The following LDLRAD4 variants were observed in gnomAD, a reference collection of about 807,000 sequenced individuals.
The protein encoded by LDLRAD4 is low density lipoprotein receptor class A domain containing 4, also known as low-density lipoprotein receptor class A domain-containing protein 4.
LDLRAD4 carries 5 observed loss-of-function variants against 17.0 expected under a neutral mutation model. The observed-to-expected ratio is 0.29, with a 90% CI of 0.15 to 0.62. LDLRAD4 has a LOEUF of 0.62. LDLRAD4 is among the 20% of genes least tolerant of loss of function. The probability of loss-of-function intolerance (pLI) is 0.84; values close to 1 mark genes in which losing one functional copy is unlikely to be tolerated. For missense variants in LDLRAD4, 340 were observed against 424.7 expected (o/e 0.80, Z 1.75); for synonymous variants, 168 against 171.8 (o/e 0.98, Z 0.17).
At chr18:13,303,757 G>C (rs925137062) in intron 1 of LDLRAD4, among the ~76,000 whole-genome samples, 2 of 152,158 alleles carry the variant, frequency 1.3e-5, no homozygotes, top group African/African-American at 4.8e-5. Flanking sequence ...CCCCAAAATA[G>C]AACAGAACCC....
intron 1 of LDLRAD4, among the ~76,000 whole-genome samples, chr18:13,370,715 T>TTTTTTTTTTTTTTTTTTTTTTTTTTTTG (rs1555663261): frequency 5.0e-5 from 6 of 120,994 alleles, no homozygotes; most frequent in South Asian, 2.6e-4. Context: ...TTTGTTTTGT[T>TTTTTTTTTTTTTTTTTTTTTTTTTTTTG]TTTTTTTTTT....
At chr18:13,406,861 G>A (rs537202357) in intron 2 of LDLRAD4, among the ~76,000 whole-genome samples, 39 of 152,322 alleles carry the variant, frequency 2.6e-4, no homozygotes, top group African/African-American at 7.9e-4. Context: ...AAATGCAACT[G>A]TCAGGGTGCT....
intron 3 of LDLRAD4, among the ~76,000 whole-genome samples, chr18:13,587,819 A>G (rs1157359075): frequency 6.6e-6 from 1 of 152,128 alleles, no homozygotes; most frequent in Admixed American, 6.5e-5. Flanking sequence ...TTATTTCCTT[A>G]GCTTTAGAAT....
intron 3 of LDLRAD4, among the ~76,000 whole-genome samples, chr18:13,582,170 G>A (rs1466271109): frequency 6.6e-6 from 1 of 151,952 alleles, no homozygotes; most frequent in Non-Finnish European, 1.5e-5. Flanking sequence ...AAAAATGAGG[G>A]AAAAAACAAA....
At chr18:13,353,349 G>T (rs1489277867) in intron 1 of LDLRAD4, among the ~76,000 whole-genome samples, 1 of 152,194 alleles carries the variant, frequency 6.6e-6, no homozygotes, top group Non-Finnish European at 1.5e-5. Context: ...GGCCTTGCTA[G>T]GCCCTTTTCT....
intron 3 of LDLRAD4, chr18:13,501,235 G>A (rs1237980253): frequency 1.3e-5 from 2 of 151,158 alleles, no homozygotes; most frequent in African/African-American, 4.8e-5. Flanking sequence ...CAGTGGCTGA[G>A]TATTAATATT....
chr18:13,413,002 G>A (rs909707995), intron 2 of LDLRAD4, among the ~76,000 whole-genome samples: 1 of 152,176 alleles, frequency 6.6e-6, no homozygotes, highest in African/African-American at 2.4e-5. Flanking sequence ...GACCTGACAG[G>A]ATCACAGCAA....
chr18:13,339,804 C>T (rs2082279735), intron 1 of LDLRAD4, among the ~76,000 whole-genome samples: 1 of 152,126 alleles, frequency 6.6e-6, no homozygotes, highest in Admixed American at 6.5e-5. Context: ...TTAAAATTGA[C>T]AGTTTTAATA....
chr18:13,319,196 A>T (rs2081089120), intron 1 of LDLRAD4, among the ~76,000 whole-genome samples: 1 of 152,174 alleles, frequency 6.6e-6, no homozygotes, highest in Admixed American at 6.5e-5. Context: ...CCTTTTGCTC[A>T]TGTGGACTTT....
At chr18:13,241,677 G>A (rs2042657438) in intron 1 of LDLRAD4, 1 of 152,326 alleles carries the variant, frequency 6.6e-6, no homozygotes, top group African/African-American at 2.4e-5. Flanking sequence ...GCAATGTAGG[G>A]GTGACTGTCC....
chr18:13,623,089 C>T (rs1399432168), intron 4 of LDLRAD4, among the ~76,000 whole-genome samples: 1 of 152,196 alleles, frequency 6.6e-6, no homozygotes, highest in Non-Finnish European at 1.5e-5. Context: ...TCCTGAACAC[C>T]AGCACACTGG....
At chr18:13,249,109 C>T (rs1024728254) in intron 1 of LDLRAD4, among the ~76,000 whole-genome samples, 2 of 152,224 alleles carry the variant, frequency 1.3e-5, no homozygotes, top group African/African-American at 4.8e-5. Flanking sequence ...ATTGGTACGC[C>T]ATGGTGTATA....
intron 3 of LDLRAD4, chr18:13,515,241 T>C (rs1459725029): frequency 6.6e-6 from 1 of 152,236 alleles, no homozygotes; most frequent in Non-Finnish European, 1.5e-5. Context: ...GTTATTACAT[T>C]GGTTTTAAAG....
intron 4 of LDLRAD4, among the ~76,000 whole-genome samples, chr18:13,639,212 G>A (rs367700155): frequency 3.9e-5 from 6 of 152,162 alleles, no homozygotes; most frequent in African/African-American, 9.7e-5. Context: ...ATGAGTATGC[G>A]GGAATGCTGC....
rs568243558 is a variant in LDLRAD4, at chr18:13,454,072, T to C, written c.181+15688T>C. Among the ~76,000 whole-genome samples, 240 of 152,332 alleles carry C rather than the reference T, an allele frequency of 1.6e-3. 1 individual carries two copies. The highest frequency in any genetic ancestry group is 5.7e-3 in the African/African-American group (235 of 41,564). The stretch of plus-strand genomic sequence containing the variant: ...GTGGTTTTGTTTATTGCCGGGGTGT[T>C]CTCCAAAAGGGGCATCCTGCCTCCT... On this transcript the variant is annotated intron_variant, in intron 3 of 5. Coordinates refer to ENST00000359446, the Ensembl canonical transcript of LDLRAD4.
intron 1 of LDLRAD4, among the ~76,000 whole-genome samples, chr18:13,251,072 A>G (rs967847051): frequency 6.6e-6 from 1 of 152,244 alleles, no homozygotes; most frequent in African/African-American, 2.4e-5. Context: ...ATGGTTCAGT[A>G]TACATAAATC....
intron 1 of LDLRAD4, among the ~76,000 whole-genome samples, chr18:13,379,592 G>T (rs749225180): frequency 6.6e-6 from 1 of 152,196 alleles, no homozygotes; most frequent in Non-Finnish European, 1.5e-5. Flanking sequence ...AATAGTGCCT[G>T]CCAGAGTAAT....
rs373894146 is a variant in LDLRAD4 at position 13,224,628 on chromosome 18, T to C, written c.-467+5640T>C. Reference sequence around the variant, plus strand: ...CCGAGTAGCTGGGATTACAGGCACGTGCCACCACGCCCGGCTAATTTTTTC... The same window carrying C: ...CCGAGTAGCTGGGATTACAGGCACGCGCCACCACGCCCGGCTAATTTTTTC... On this transcript the variant is annotated intron_variant, in intron 1 of 5. Coordinates refer to the LDLRAD4 transcript ENST00000399848. Among the ~76,000 whole-genome samples, 23 of 151,482 alleles carry C rather than the reference T, an allele frequency of 1.5e-4. No homozygotes were observed. In the East Asian group the frequency reaches 2.5e-3, roughly 17 times the overall value.
intron 1 of LDLRAD4, chr18:13,240,380 A>C (rs2042570220): frequency 6.6e-6 from 1 of 152,228 alleles, no homozygotes; most frequent in African/African-American, 2.4e-5. Flanking sequence ...CGCCTCCCCC[A>C]CATATGCTCA....
Sources: gnomAD v4.1 joint callset for allele counts (sites outside exome capture counted in the v4.1 genomes callset) on GRCh38, gnomAD v4.1.1 for gene constraint, MANE v1.5 for transcripts, NCBI Gene and HGNC (gene_info 2026-07-23, HGNC 2026-07-21) for gene names.